Variants in KIAA1549 observed in about 807,000 individuals in gnomAD.
The protein encoded by KIAA1549 is KIAA1549.
KIAA1549 carries 70 observed loss-of-function variants against 156.4 expected under a neutral mutation model. That is an observed-to-expected ratio of 0.45 (90% CI 0.37 to 0.55). The LOEUF (loss-of-function observed/expected upper bound fraction) is 0.55. Among genes scored for constraint, KIAA1549 ranks in the 20% least tolerant of loss-of-function variants. KIAA1549 has a pLI of 0.00. For missense variants in KIAA1549, 2,428 were observed against 2,540.9 expected, an observed-to-expected ratio of 0.96 and a Z score of 0.96; for synonymous variants, 1,103 against 1,066.4, an observed-to-expected ratio of 1.03 and a Z score of -0.67.
intron 1 of KIAA1549, among the ~76,000 whole-genome samples, chr7:138,939,315 A>T (rs771338731): frequency 3.3e-5 from 5 of 152,204 alleles, no homozygotes; most frequent in Non-Finnish European, 5.9e-5. Flanking sequence ...TTTGTATAAC[A>T]GTACAGTTGC....
chr7:138,843,598 T>C (rs1809984687), intron 18 of KIAA1549, among the ~76,000 whole-genome samples: 1 of 152,226 alleles, frequency 6.6e-6, no homozygotes, highest in Non-Finnish European at 1.5e-5. Context: ...ATAATTTCCT[T>C]TTGAATGTTA....
intron 1 of KIAA1549, among the ~76,000 whole-genome samples, chr7:138,938,568 T>C (rs1240752759): frequency 1.3e-5 from 2 of 152,218 alleles, no homozygotes; most frequent in Non-Finnish European, 2.9e-5. Flanking sequence ...GACTCCATGA[T>C]AGGGAATGAC....
chr7:138,862,947 A>G (rs185145317), intron 15 of KIAA1549, among the ~76,000 whole-genome samples: 1 of 152,330 alleles, frequency 6.6e-6, no homozygotes, highest in African/African-American at 2.4e-5. Flanking sequence ...AAAAGAAAAA[A>G]AAACGCAAAG....
At position 138,917,220 on chromosome 7, in the gene KIAA1549, A is replaced by C. The variant is rs1272079908; in HGVS notation, c.2406T>G (p.Ser802=). ...GAGGTGTCAGAGTTGAGAACAAAGAAGACTCAGTTAAAATGGGCGTTGTGT... is the reference window on the plus strand; with the variant it reads ...GAGGTGTCAGAGTTGAGAACAAAGACGACTCAGTTAAAATGGGCGTTGTGT... ...TVHTTPILTE[S]SLFSTLTPPD... The change falls in exon 2 of 20, where the codon TCT becomes TCG. Residue 802 remains serine (S), a synonymous_variant. Coordinates refer to ENST00000422774, the MANE Select transcript of KIAA1549 (RefSeq NM_001164665.2). The C allele has an allele frequency of 1.9e-6, 3 of 1,613,864 alleles. No individual in the cohort carries two copies. In the African/African-American group the frequency reaches 4.0e-5, roughly 22 times the overall value.
Position 138,917,000 on chromosome 7 carries a change from G to A in KIAA1549, c.2626C>T (p.Pro876Ser). Residue 876 changes from proline to serine, a missense_variant, in exon 2 of 20, where the codon CCA (proline) becomes TCA (serine). Transcript: ENST00000422774. ...VGPSLTPTEV[P>S]LNTSTEVSTT... Reference sequence around the variant, plus strand: ...CTCACTTCCGTGGAGGTGTTCAGTGGCACCTCTGTGGGTGTGAGTGATGGG... The same window carrying A: ...CTCACTTCCGTGGAGGTGTTCAGTGACACCTCTGTGGGTGTGAGTGATGGG... The A allele has an allele frequency of 6.2e-7, 1 of 1,600,412 alleles. No individual in the cohort carries two copies. The highest frequency in any genetic ancestry group is 8.5e-7 in the Non-Finnish European group (1 of 1,173,110).
At chr7:138,903,846 TGTGTGTGCGCGCGC>T (rs1320541959) in intron 7 of KIAA1549, 110 bp from the exon 8 acceptor site, 11 of 387,644 alleles carry the variant, frequency 2.8e-5, no homozygotes, top group Admixed American at 2.5e-4. Flanking sequence ...TGTGTGTGTG[TGTGTGTGCGCGCGC>T]GCGCGCGCGC....
intron 1 of KIAA1549, among the ~76,000 whole-genome samples, chr7:138,922,062 C>A (rs1812579605): frequency 6.6e-6 from 1 of 152,190 alleles, no homozygotes; most frequent in African/African-American, 2.4e-5. Context: ...AAGGAAGCCA[C>A]CCTTGAACTT....
At chr7:138,856,802 CA>C (rs1384422842) in intron 16 of KIAA1549, among the ~76,000 whole-genome samples, 1 of 152,192 alleles carries the variant, frequency 6.6e-6, no homozygotes, top group African/African-American at 2.4e-5. Context: ...TGCCACAGGA[CA>C]CCCCAATGTC....
At chr7:138,970,196 T>A (rs1168992528) in intron 1 of KIAA1549, among the ~76,000 whole-genome samples, 4 of 152,218 alleles carry the variant, frequency 2.6e-5, no homozygotes, top group African/African-American at 9.7e-5. Flanking sequence ...CATTCATCTG[T>A]CCACAGACAT....
At chr7:138,871,406 A>G in intron 12 of KIAA1549, 44 bp from the exon 13 acceptor site, 4 of 1,457,000 alleles carry the variant, frequency 2.7e-6, no homozygotes, top group Non-Finnish European at 3.7e-6. Flanking sequence ...AAGTCATCTA[A>G]AGAAACAGCA....
chr7:138,974,830 G>A (rs988447052), intron 1 of KIAA1549, among the ~76,000 whole-genome samples: 4 of 150,952 alleles, frequency 2.6e-5, no homozygotes, highest in African/African-American at 9.8e-5. Flanking sequence ...TATGGTTCTT[G>A]CACACTATTT....
At chr7:138,855,455 G>C (rs1810360176) in intron 16 of KIAA1549, among the ~76,000 whole-genome samples, 1 of 152,202 alleles carries the variant, frequency 6.6e-6, no homozygotes, top group African/African-American at 2.4e-5. Context: ...GTTGGTGAGA[G>C]ATGACGGTGG....
At chr7:138,948,724 C>T (rs1463485878) in intron 1 of KIAA1549, among the ~76,000 whole-genome samples, 5 of 147,114 alleles carry the variant, frequency 3.4e-5, no homozygotes, top group Non-Finnish European at 5.9e-5. Context: ...TAGAGTTTCG[C>T]TCTCATTGCC....
chr7:138,881,030 C>A (rs532529277), intron 11 of KIAA1549, among the ~76,000 whole-genome samples: 4 of 152,336 alleles, frequency 2.6e-5, no homozygotes, highest in South Asian at 4.1e-4. Flanking sequence ...GCTGTGCACT[C>A]CTTCTATGTT....
chr7:138,867,416 A>C (rs1399541282), intron 15 of KIAA1549, among the ~76,000 whole-genome samples: 1 of 152,028 alleles, frequency 6.6e-6, no homozygotes, highest in Non-Finnish European at 1.5e-5. Context: ...TTAGCTGGGC[A>C]TGGTGGCATA....
In KIAA1549 at chr7:138,836,910, T is replaced by C. The variant is rs1434963129; in HGVS notation, c.*996A>G. On this transcript the variant is annotated 3_prime_UTR_variant, in exon 20 of 20. Coordinates refer to ENST00000422774, the MANE Select transcript of KIAA1549 (RefSeq NM_001164665.2). ...AACAATTTCGTGGTGCTGGGAATTA[T>C]TAAATAACTTCTGCTTACAGAAGAT... 2.2e-5 allele frequency: 5 copies of C among 226,006 alleles called. No individual in the cohort carries two copies. Among genetic ancestry groups the C allele is most frequent in the Non-Finnish European group, 4.4e-5 (5 of 113,726 alleles). 14.0% of individuals were successfully genotyped at this position (226,006 alleles called of 1,614,324 possible).
At chr7:138,974,758 G>A (rs914616979) in intron 1 of KIAA1549, among the ~76,000 whole-genome samples, 4 of 150,510 alleles carry the variant, frequency 2.7e-5, no homozygotes, top group Non-Finnish European at 4.4e-5. Context: ...TCAAATGCTC[G>A]CAATGAATGA....
chr7:138,837,789 T>C lies in KIAA1549; in HGVS notation c.*117A>G, dbSNP rs35322348. 189,223 of 1,247,670 alleles carry C rather than the reference T, an allele frequency of 0.15. 15,884 individuals carry two copies. The highest frequency in any genetic ancestry group is 0.35 in the East Asian group (13,592 of 39,326). The allele number at this position is 1,247,670 out of a possible 1,614,324, so 77.3% of individuals were successfully genotyped here. A position where few individuals can be genotyped will look rare whatever the true frequency, so the allele number is the denominator to read the frequency against. On this transcript the variant is annotated 3_prime_UTR_variant, in exon 20 of 20. Coordinates refer to ENST00000422774, the MANE Select transcript of KIAA1549 (RefSeq NM_001164665.2). The stretch of plus-strand genomic sequence containing the variant: ...TCTAAATTGCAACTTGCTCCCTCCC[T>C]TGGGCAGGCTGCCCGAGAGTTGCTC...
At chr7:138,881,366 A>T in intron 11 of KIAA1549, 22 bp downstream of exon 11, 1 of 1,604,134 alleles carries the variant, frequency 6.2e-7, no homozygotes, top group Non-Finnish European at 8.5e-7. Context: ...ACAAAGAATA[A>T]TACAGAAAGC....
Sources: allele counts gnomAD v4.1 joint callset (sites outside exome capture counted in the v4.1 genomes callset), GRCh38; gene constraint gnomAD v4.1.1; transcripts MANE v1.5; gene names NCBI Gene and HGNC (gene_info 2026-07-23, HGNC 2026-07-21).